Variants in SEM1 observed in about 807,000 individuals in gnomAD.
SEM1 encodes SEM1 26S proteasome subunit.
Under a neutral mutation model 12.7 loss-of-function variants are expected in SEM1, and 3 were observed. The ratio of observed to expected loss-of-function variants is 0.24; its 90% CI spans 0.11 to 0.61. The LOEUF is 0.61. SEM1 is among the 20% of genes least tolerant of loss of function. The probability of loss-of-function intolerance (pLI) is 0.88; values close to 1 mark genes in which losing one functional copy is unlikely to be tolerated. For missense variants in SEM1, 59 were observed against 81.3 expected (o/e 0.73, Z 1.06); for synonymous variants, 30 against 27.8 (o/e 1.08, Z -0.25).
chr7:96,621,403 C>T (rs190658946), downstream of SEM1, among the ~76,000 whole-genome samples: 2 of 152,164 alleles, frequency 1.3e-5, no homozygotes, highest in East Asian at 3.9e-4. Flanking sequence ...AATCTTTCCT[C>T]AATATAAAAT....
chr7:96,512,895 T>C (rs1803975026), intron 2 of SEM1, among the ~76,000 whole-genome samples: 1 of 152,080 alleles, frequency 6.6e-6, no homozygotes, highest in African/African-American at 2.4e-5. Flanking sequence ...GGCAAAGAAG[T>C]TGATGTAGGA....
intron 2 of SEM1, among the ~76,000 whole-genome samples, chr7:96,545,488 T>C (rs1209924857): frequency 1.3e-5 from 2 of 152,076 alleles, no homozygotes; most frequent in African/African-American, 4.8e-5. Flanking sequence ...AAGGAATTAG[T>C]GTGCTGCCAG....
At chr7:96,521,822 C>G (rs532840202) in intron 2 of SEM1, among the ~76,000 whole-genome samples, 35 of 152,186 alleles carry the variant, frequency 2.3e-4, no homozygotes, top group African/African-American at 8.2e-4. Context: ...GTTTGCCATT[C>G]TCTGTGCAGA....
At chr7:96,574,913 TC>T (rs1010236490) in intron 2 of SEM1, among the ~76,000 whole-genome samples, 4 of 152,166 alleles carry the variant, frequency 2.6e-5, no homozygotes, top group Admixed American at 2.6e-4. Context: ...AGAACGTGCT[TC>T]TTTAGCTTGG....
intron 2 of SEM1, among the ~76,000 whole-genome samples, chr7:96,633,818 G>A (rs1808346141): frequency 1.3e-5 from 2 of 152,084 alleles, no homozygotes; most frequent in East Asian, 1.9e-4. Flanking sequence ...AGGAGTAAAG[G>A]GCTTAACTCT....
chr7:96,624,682 T>C (rs1206757989), intron 2 of SEM1, among the ~76,000 whole-genome samples: 1 of 152,134 alleles, frequency 6.6e-6, no homozygotes, highest in Admixed American at 6.6e-5. Context: ...CCTTCCAACA[T>C]TCCACTATTA....
intron 2 of SEM1, among the ~76,000 whole-genome samples, chr7:96,596,062 C>T (rs961537651): frequency 3.3e-5 from 5 of 152,182 alleles, no homozygotes; most frequent in Non-Finnish European, 7.3e-5. Flanking sequence ...AAATTCTTTG[C>T]AAACAGGTAA....
At chr7:96,597,744 A>G (rs1807049778) in intron 2 of SEM1, among the ~76,000 whole-genome samples, 1 of 151,842 alleles carries the variant, frequency 6.6e-6, no homozygotes, top group Non-Finnish European at 1.5e-5. Flanking sequence ...TCACATGGTT[A>G]AAGGATCTAA....
At chr7:96,521,992 G>A (rs1266608452) in intron 2 of SEM1, among the ~76,000 whole-genome samples, 3 of 152,104 alleles carry the variant, frequency 2.0e-5, no homozygotes, top group African/African-American at 4.8e-5. Context: ...ACTGTAAGGA[G>A]TACAGAGGGA....
At chr7:96,518,067 G>A (rs956343648) in intron 2 of SEM1, among the ~76,000 whole-genome samples, 9 of 152,170 alleles carry the variant, frequency 5.9e-5, no homozygotes, top group African/African-American at 2.2e-4. Flanking sequence ...TAGAGAACAC[G>A]CAGTATAGGC....
chr7:96,609,507 C>T (rs1400097472), intron 2 of SEM1, among the ~76,000 whole-genome samples: 1 of 152,156 alleles, frequency 6.6e-6, no homozygotes, highest in Non-Finnish European at 1.5e-5. Context: ...TAAGATAAAA[C>T]TGAGGCCCAG....
intron 2 of SEM1, among the ~76,000 whole-genome samples, chr7:96,553,291 A>T (rs1805357035): frequency 6.6e-6 from 1 of 151,566 alleles, no homozygotes; most frequent in African/African-American, 2.4e-5. Flanking sequence ...CTGAATGGTA[A>T]TGCGTAGGTT....
intron 2 of SEM1, among the ~76,000 whole-genome samples, chr7:96,518,801 C>T (rs1804178551): frequency 6.6e-6 from 1 of 152,152 alleles, no homozygotes; most frequent in African/African-American, 2.4e-5. Context: ...ATTCCCCTAA[C>T]AACTGGTTCA....
At chr7:96,607,271 A>G (rs921131761) in intron 2 of SEM1, among the ~76,000 whole-genome samples, 3 of 152,188 alleles carry the variant, frequency 2.0e-5, no homozygotes, top group Admixed American at 6.5e-5. Context: ...TGCTATCATG[A>G]TAGGCAGTTT....
intron 1 of SEM1, among the ~76,000 whole-genome samples, chr7:96,705,527 C>T (rs1790425982): frequency 6.6e-6 from 1 of 151,996 alleles, no homozygotes; most frequent in African/African-American, 2.4e-5. Context: ...GAAAAGTAGT[C>T]AACGTTTTAA....
At chr7:96,683,755 T>C (rs1289421354) in intron 2 of SEM1, among the ~76,000 whole-genome samples, 2 of 152,160 alleles carry the variant, frequency 1.3e-5, no homozygotes, top group Admixed American at 1.3e-4. Flanking sequence ...CTGGAAACCA[T>C]CATTCTCAGC....
At position 96,648,218 on chromosome 7, in the gene SEM1, TATC is replaced by T. The variant is rs759620808; in HGVS notation, c.171-25578_171-25576del. 2.6e-5 allele frequency among the ~76,000 whole-genome samples: 4 copies of T among 152,144 alleles called. No individual in the cohort carries two copies. In the East Asian group the frequency reaches 7.7e-4, roughly 29 times the overall value. On this transcript the variant is annotated intron_variant, in intron 2 of 2. Transcript: ENST00000417009. The stretch of plus-strand genomic sequence containing the variant: ...GTGAATAACAATTCATAAAGAAAAA[TATC>T]ATTTCAACTATCATAGAAGGAGTAG...
intron 2 of SEM1, among the ~76,000 whole-genome samples, chr7:96,539,706 G>A (rs1804890832): frequency 6.6e-6 from 1 of 151,634 alleles, no homozygotes; most frequent in African/African-American, 2.4e-5. Flanking sequence ...AAGCCTCCTG[G>A]GGCAAAAACT....
intron 2 of SEM1, among the ~76,000 whole-genome samples, chr7:96,691,992 T>C (rs574079319): frequency 6.6e-6 from 1 of 152,284 alleles, no homozygotes; most frequent in Non-Finnish European, 1.5e-5. Flanking sequence ...AAGATTTATA[T>C]ACCTCAGGCA....
Sources: allele counts gnomAD v4.1 joint callset (sites outside exome capture counted in the v4.1 genomes callset), GRCh38; gene constraint gnomAD v4.1.1; transcripts MANE v1.5; gene names NCBI Gene and HGNC (gene_info 2026-07-23, HGNC 2026-07-21).